The following PDE1A variants were observed in gnomAD, a reference collection of about 807,000 sequenced individuals.
The protein encoded by PDE1A is phosphodiesterase 1A, also known as dual specificity calcium/calmodulin-dependent 3',5'-cyclic nucleotide phosphodiesterase 1A.
In PDE1A, 35 loss-of-function variants were observed where a neutral mutation model predicts 61.7. The ratio of observed to expected loss-of-function variants is 0.57; its 90% CI spans 0.43 to 0.75. The LOEUF is 0.75. Ranked by LOEUF, PDE1A falls within the 30% of genes least tolerant of loss-of-function variation. PDE1A has a pLI of 0.00. For synonymous variants in PDE1A, 232 were observed against 213.2 expected (o/e 1.09, Z -0.77); for missense variants, 597 against 630.6 (o/e 0.95, Z 0.57).
chr2:182,345,512 G>A (rs1189015547), intron 1 of PDE1A, among the ~76,000 whole-genome samples: 4 of 152,050 alleles, frequency 2.6e-5, no homozygotes, highest in African/African-American at 9.7e-5. Context: ...GGTAAAAACT[G>A]AGCTTGCTAA....
At chr2:182,596,884 T>A in the PDE1A span, among the ~76,000 whole-genome samples, 1 of 152,190 alleles carries the variant, frequency 6.6e-6, no homozygotes, top group Non-Finnish European at 1.5e-5. Context: ...CCAGGCGCAA[T>A]GGCTCATACC....
upstream of PDE1A, among the ~76,000 whole-genome samples, chr2:182,527,014 A>C (rs1383146992): frequency 2.0e-5 from 3 of 151,926 alleles, no homozygotes; most frequent in African/African-American, 7.2e-5. Flanking sequence ...TAAATAGAAA[A>C]AATTATTGGT....
chr2:182,703,249 C>A, the PDE1A span, among the ~76,000 whole-genome samples: 1 of 152,120 alleles, frequency 6.6e-6, no homozygotes, highest in Non-Finnish European at 1.5e-5. Context: ...TTTTGAAGTT[C>A]CTGTTAGATT....
At chr2:182,524,142 C>T (rs1690718908), upstream of PDE1A, among the ~76,000 whole-genome samples, 1 of 152,120 alleles carries the variant, frequency 6.6e-6, no homozygotes, top group African/African-American at 2.4e-5. Flanking sequence ...ACCAATTTTA[C>T]CCTCACTGTG....
At chr2:182,253,212 C>A (rs528608773) in intron 2 of PDE1A, among the ~76,000 whole-genome samples, 97 of 152,268 alleles carry the variant, frequency 6.4e-4, no homozygotes, top group African/African-American at 2.3e-3. Context: ...TGGAGCAAGT[C>A]CAACCTACCT....
At chr2:182,701,600 T>C in the PDE1A span, among the ~76,000 whole-genome samples, 1 of 152,112 alleles carries the variant, frequency 6.6e-6, no homozygotes, top group East Asian at 1.9e-4. Flanking sequence ...CAGGCTGGTC[T>C]TGAACTCCCA....
chr2:182,463,843 G>A (rs1408597953), intron 2 of PDE1A, among the ~76,000 whole-genome samples: 1 of 152,172 alleles, frequency 6.6e-6, no homozygotes, highest in Admixed American at 6.5e-5. Context: ...AGTACAAGCT[G>A]TGGAAAAGCA....
chr2:182,387,832 A>G (rs763003099), intron 1 of PDE1A, among the ~76,000 whole-genome samples: 16 of 152,158 alleles, frequency 1.1e-4, no homozygotes, highest in Non-Finnish European at 2.1e-4. Context: ...ACAAAATGGC[A>G]GCAGTATCAA....
chr2:182,208,027 C>T (rs1030725216), intron 7 of PDE1A, among the ~76,000 whole-genome samples: 3 of 152,178 alleles, frequency 2.0e-5, no homozygotes, highest in Non-Finnish European at 4.4e-5. Flanking sequence ...TATGGAAATG[C>T]CTGAATATCC....
chr2:182,343,617 T>C (rs957460726), intron 1 of PDE1A, among the ~76,000 whole-genome samples: 1 of 152,236 alleles, frequency 6.6e-6, no homozygotes, highest in Non-Finnish European at 1.5e-5. Context: ...TACAGGTCTA[T>C]GTCTTCTAAA....
Position 182,369,901 on chromosome 2 carries a change from G to A in PDE1A, c.53+56677C>T, listed in dbSNP as rs562540745. Among the ~76,000 whole-genome samples the A allele has an allele frequency of 4.6e-5, 7 of 152,316 alleles. No individual in the cohort carries two copies. In the East Asian group the frequency reaches 9.7e-4, roughly 21 times the overall value. ...TAGAAAGGAGTTTCATTGGCTGGGCGCAGTGGCTCACGCCTGTAATCCCAG... is the reference window on the plus strand; with the variant it reads ...TAGAAAGGAGTTTCATTGGCTGGGCACAGTGGCTCACGCCTGTAATCCCAG... On this transcript the variant is annotated intron_variant, in intron 1 of 13. Transcript: ENST00000351439.
chr2:182,177,544 GA>G (rs1313415171), intron 13 of PDE1A, among the ~76,000 whole-genome samples: 1 of 152,058 alleles, frequency 6.6e-6, no homozygotes, highest in African/African-American at 2.4e-5. Flanking sequence ...TTGTTTTGGT[GA>G]GGGTTGTCAA....
the PDE1A span, among the ~76,000 whole-genome samples, chr2:182,628,539 T>A: frequency 6.6e-6 from 1 of 152,120 alleles, no homozygotes; most frequent in African/African-American, 2.4e-5. Context: ...AAGAGGACAT[T>A]CATTATGAAG....
chr2:182,206,080 CAA>C lies in PDE1A; in HGVS notation c.777-17_777-16del. 6.3e-7 allele frequency: 1 copy of C among 1,596,826 alleles called. No homozygotes were observed. Among genetic ancestry groups the C allele is most frequent in the Admixed American group, 1.7e-5 (1 of 57,332 alleles). On this transcript the variant is annotated splice_polypyrimidine_tract_variant and intron_variant, in intron 7 of 13. Transcript: ENST00000351439. The stretch of plus-strand genomic sequence containing the variant: ...CAACATCTGACCTAAGAATTAAAAA[CAA>C]AATGCCCAACAGAGGATTTCTTTAG...
chr2:182,510,575 T>C (rs1253201742), intron 2 of PDE1A, among the ~76,000 whole-genome samples: 1 of 152,172 alleles, frequency 6.6e-6, no homozygotes, highest in Non-Finnish European at 1.5e-5. Flanking sequence ...TGGGACATGA[T>C]AGCAATTACC....
chr2:182,559,447 A>G, the PDE1A span, among the ~76,000 whole-genome samples: 4 of 152,188 alleles, frequency 2.6e-5, no homozygotes, highest in African/African-American at 9.7e-5. Context: ...AACATCCATC[A>G]GCACAGCTAA....
the PDE1A span, among the ~76,000 whole-genome samples, chr2:182,597,670 C>T: frequency 1.3e-5 from 2 of 152,172 alleles, no homozygotes; most frequent in Non-Finnish European, 2.9e-5. Flanking sequence ...AAATAGAAAT[C>T]TCTAGATGCT....
At chr2:182,187,737 C>CTTTTTTTTTTTTTGTT (rs1685336687) in intron 11 of PDE1A, among the ~76,000 whole-genome samples, 1 of 66,382 alleles carries the variant, frequency 1.5e-5, no homozygotes, top group Non-Finnish European at 2.6e-5. Flanking sequence ...TTTTTTTGTT[C>CTTTTTTTTTTTTTGTT]TTTTTTTTTT....
At chr2:182,220,755 G>A (rs889657074) in intron 7 of PDE1A, among the ~76,000 whole-genome samples, 6 of 151,922 alleles carry the variant, frequency 3.9e-5, no homozygotes, top group African/African-American at 1.4e-4. Flanking sequence ...GTATTATGTA[G>A]TAAATTAGTT....
Sources: allele counts gnomAD v4.1 joint callset (sites outside exome capture counted in the v4.1 genomes callset), GRCh38; gene constraint gnomAD v4.1.1; transcripts MANE v1.5; gene names NCBI Gene and HGNC (gene_info 2026-07-23, HGNC 2026-07-21).